Variants in CSGALNACT1 observed in about 807,000 individuals in gnomAD.
The protein encoded by CSGALNACT1 is chondroitin sulfate N-acetylgalactosaminyltransferase 1.
CSGALNACT1 carries 52 observed loss-of-function variants against 51.0 expected under a neutral mutation model. The observed-to-expected ratio is 1.02, with a 90% CI of 0.82 to 1.29. The LOEUF is 1.29. Ranked by LOEUF, CSGALNACT1 falls within the 50% of genes most tolerant of loss-of-function variation. The pLI is 0.00. For synonymous variants in CSGALNACT1, 341 were observed against 254.4 expected, an observed-to-expected ratio of 1.34 and a Z score of -3.24; for missense variants, 935 against 679.2, an observed-to-expected ratio of 1.38 and a Z score of -4.19.
intron 6 of CSGALNACT1, among the ~76,000 whole-genome samples, chr8:19,439,217 A>G (rs2060898399): frequency 6.6e-6 from 1 of 152,258 alleles, no homozygotes; most frequent in Non-Finnish European, 1.5e-5. Flanking sequence ...TTTATTCCCC[A>G]TGCAATTGAT....
chr8:19,630,229 T>C (rs1366252213), intron 1 of CSGALNACT1, among the ~76,000 whole-genome samples: 2 of 148,980 alleles, frequency 1.3e-5, no homozygotes, highest in Non-Finnish European at 3.0e-5. Context: ...TGTGTGTGTG[T>C]GTGTGTGTGT....
intron 3 of CSGALNACT1, among the ~76,000 whole-genome samples, chr8:19,563,692 C>A (rs1430770250): frequency 2.6e-5 from 4 of 152,134 alleles, no homozygotes; most frequent in Non-Finnish European, 5.9e-5. Context: ...TAAGCAGTCT[C>A]CACCTCCACT....
exon 10 of CSGALNACT1, chr8:19,405,289 T>C (rs1307445222): frequency 2.2e-6 from 1 of 453,774 alleles, no homozygotes; most frequent in Non-Finnish European, 4.4e-6. Flanking sequence ...TTTATTTTAC[T>C]TAATGTACTC....
At chr8:19,604,408 G>C (rs1365203397), upstream of CSGALNACT1, among the ~76,000 whole-genome samples, 2 of 152,184 alleles carry the variant, frequency 1.3e-5, no homozygotes, top group Non-Finnish European at 2.9e-5. Flanking sequence ...CAATGCTATG[G>C]ATATGTGCAT....
chr8:19,666,871 A>G (rs867790300), intron 1 of CSGALNACT1, among the ~76,000 whole-genome samples: 10 of 130,788 alleles, frequency 7.6e-5, no homozygotes, highest in African/African-American at 2.7e-4. Flanking sequence ...GAAAGAAAGA[A>G]AGAAAGAAAG....
rs1046998016 is a variant in CSGALNACT1 at position 19,618,992 on chromosome 8, G to A, written c.-543-17127C>T. 6.6e-5 allele frequency among the ~76,000 whole-genome samples: 10 copies of A among 152,092 alleles called. No homozygotes were observed. In the South Asian group the frequency reaches 8.3e-4, roughly 13 times the overall value. On this transcript the variant is annotated intron_variant, in intron 1 of 9. Coordinates refer to the CSGALNACT1 transcript ENST00000332246. ...CCCTTCCTCCAGCATAAATGCACAC[G>A]TGCCTCAGAACTGTCAGGCTCTATG...
chr8:19,494,487 C>A (rs2075075568), intron 4 of CSGALNACT1, among the ~76,000 whole-genome samples: 2 of 152,194 alleles, frequency 1.3e-5, no homozygotes, highest in Admixed American at 6.5e-5. Flanking sequence ...GGTGCCCCTT[C>A]ATTTGGGCTC....
At chr8:19,433,241 A>G (rs964740843) in intron 6 of CSGALNACT1, among the ~76,000 whole-genome samples, 1 of 152,164 alleles carries the variant, frequency 6.6e-6, no homozygotes, top group Non-Finnish European at 1.5e-5. Flanking sequence ...CTGTTTGCAT[A>G]TTGGGATACA....
At chr8:19,643,036 T>G (rs1250689701) in intron 1 of CSGALNACT1, among the ~76,000 whole-genome samples, 1 of 152,092 alleles carries the variant, frequency 6.6e-6, no homozygotes, top group African/African-American at 2.4e-5. Context: ...TTTTCTAAAA[T>G]GATGGCAGGA....
chr8:19,586,211 A>G (rs555533447), intron 3 of CSGALNACT1, among the ~76,000 whole-genome samples: 11 of 152,046 alleles, frequency 7.2e-5, no homozygotes, highest in African/African-American at 2.7e-4. Flanking sequence ...AAAAACACAA[A>G]AATTATCCGG....
intron 1 of CSGALNACT1, among the ~76,000 whole-genome samples, chr8:19,701,153 GTTTTTT>G (rs767074945): frequency 2.1e-5 from 2 of 93,280 alleles, no homozygotes; most frequent in Non-Finnish European, 3.9e-5. Flanking sequence ...TCTATTATCC[GTTTTTT>G]TTTTTTTTTT....
At chr8:19,560,517 C>T (rs6996732) in intron 3 of CSGALNACT1, among the ~76,000 whole-genome samples, 44,675 of 152,048 alleles carry the variant, frequency 0.29, 7,544 homozygotes, top group African/African-American at 0.48. Context: ...ATCCTGAAAG[C>T]ATAAGAATTC....
At chr8:19,405,519 C>G in exon 10 of CSGALNACT1, 1 of 627,756 alleles carries the variant, frequency 1.6e-6, no homozygotes, top group Non-Finnish European at 2.9e-6. Context: ...AACCTCCACA[C>G]CATTAGGCTT....
chr8:19,666,853 GAAAGAAAGAAAGAAAGAAAGAAAGAA>G (rs1349559828), intron 1 of CSGALNACT1, among the ~76,000 whole-genome samples: 4 of 112,512 alleles, frequency 3.6e-5, no homozygotes, highest in Non-Finnish European at 6.8e-5. Context: ...AAGAAAGAAA[GAAAGAAAGAAAGAAAGAAAGAAAGAA>G]AGAAAGAGAG....
At chr8:19,499,485 CG>C (rs2076051591) in intron 4 of CSGALNACT1, among the ~76,000 whole-genome samples, 1 of 152,154 alleles carries the variant, frequency 6.6e-6, no homozygotes, top group East Asian at 1.9e-4. Flanking sequence ...AAACAAATAA[CG>C]TTTTTTTCCC....
upstream of CSGALNACT1, among the ~76,000 whole-genome samples, chr8:19,604,540 G>A (rs113045403): frequency 4.2e-3 from 632 of 152,208 alleles, 2 homozygotes; most frequent in Non-Finnish European, 7.1e-3. Context: ...AAAGGAAAGC[G>A]AGCCTTTGCT....
chr8:19,541,735 A>G (rs2085217024), intron 3 of CSGALNACT1, among the ~76,000 whole-genome samples: 1 of 151,658 alleles, frequency 6.6e-6, no homozygotes, highest in Non-Finnish European at 1.5e-5. Flanking sequence ...AATTTTTACT[A>G]TTGTTAGTTT....
intron 8 of CSGALNACT1, among the ~76,000 whole-genome samples, chr8:19,417,118 G>C (rs1351208170): frequency 6.6e-6 from 1 of 152,130 alleles, no homozygotes; most frequent in Non-Finnish European, 1.5e-5. Context: ...GCCTCCCAAA[G>C]TGCTGGCATT....
chr8:19,576,202 T>C (rs1040754825), intron 3 of CSGALNACT1, among the ~76,000 whole-genome samples: 1 of 152,128 alleles, frequency 6.6e-6, no homozygotes, highest in African/African-American at 2.4e-5. Flanking sequence ...TTTTTTGTTG[T>C]CTTGTTTTCT....
Sources: allele counts gnomAD v4.1 joint callset (sites outside exome capture counted in the v4.1 genomes callset), GRCh38; gene constraint gnomAD v4.1.1; transcripts MANE v1.5; gene names NCBI Gene and HGNC (gene_info 2026-07-23, HGNC 2026-07-21).